Variants in CACNA1D observed in about 807,000 individuals in gnomAD.
CACNA1D encodes voltage-dependent L-type calcium channel subunit alpha-1D.
In CACNA1D, 55 loss-of-function variants were observed where a neutral mutation model predicts 257.1. That is an observed-to-expected ratio of 0.21 (90% CI 0.17 to 0.27). CACNA1D has a LOEUF of 0.27. Among genes scored for constraint, CACNA1D ranks in the 10% least tolerant of loss-of-function variants. CACNA1D has a pLI of 1.00. For synonymous variants in CACNA1D, 980 were observed against 1,014.9 expected, an observed-to-expected ratio of 0.97 and a Z score of 0.65; for missense variants, 1,876 against 2,784.0, an observed-to-expected ratio of 0.67 and a Z score of 7.34.
chr3:53,782,239 A>T (rs926641312), intron 39 of CACNA1D: 3 of 108,926 alleles, frequency 2.8e-5, no homozygotes, highest in African/African-American at 3.9e-5. Flanking sequence ...ACACACATAC[A>T]GTGTGTGTGT....
At position 53,515,130 on chromosome 3, in the gene CACNA1D, T is replaced by G. The variant is rs748701550; in HGVS notation, c.483+13410T>G. ...TGCAGCTAGAAGACTGAAGCCTGCC[T>G]CTACATGGTGGTCCGGGGTAAAAAG... On this transcript the variant is annotated intron_variant, in intron 3 of 47. Coordinates refer to ENST00000350061, the MANE Select transcript of CACNA1D (RefSeq NM_001128840.3). Among the ~76,000 whole-genome samples, 113 of 152,170 alleles carry G rather than the reference T, an allele frequency of 7.4e-4. 1 individual carries two copies. Among genetic ancestry groups the G allele is most frequent in the Non-Finnish European group, 2.4e-4 (16 of 68,030 alleles).
At position 53,741,629 on chromosome 3, in the gene CACNA1D, A is replaced by G. The variant is rs528446141; in HGVS notation, c.2811+1290A>G. Among the ~76,000 whole-genome samples, 16 of 152,260 alleles carry G rather than the reference A, an allele frequency of 1.1e-4. No homozygotes were observed. In the East Asian group the frequency reaches 2.7e-3, roughly 26 times the overall value. On this transcript the variant is annotated intron_variant, in intron 21 of 47. Coordinates refer to ENST00000350061, the MANE Select transcript of CACNA1D (RefSeq NM_001128840.3). Reference sequence around the variant, plus strand: ...TCCTAAGTCAGAGGTGTGCAGTGGGATGGTGACCAGCTCTTGTTGATGAGG... The same window carrying G: ...TCCTAAGTCAGAGGTGTGCAGTGGGGTGGTGACCAGCTCTTGTTGATGAGG...
chr3:53,753,727 C>G, intron 29 of CACNA1D, 45 bp downstream of exon 29: 1 of 1,116,498 alleles, frequency 9.0e-7, no homozygotes, highest in Non-Finnish European at 1.4e-6. Flanking sequence ...CTGAGTCACC[C>G]TAGAGAAGTA....
chr3:53,655,817 A>G (rs1055741122), intron 4 of CACNA1D, among the ~76,000 whole-genome samples: 1 of 152,042 alleles, frequency 6.6e-6, no homozygotes, highest in African/African-American at 2.4e-5. Context: ...TTTTGTTGTG[A>G]TTGCTTTTGG....
intron 30 of CACNA1D, among the ~76,000 whole-genome samples, chr3:53,768,238 C>G (rs749975050): frequency 1.3e-5 from 2 of 152,176 alleles, no homozygotes; most frequent in Non-Finnish European, 2.9e-5. Flanking sequence ...CAACAGGCCC[C>G]TTACTGTCTT....
At chr3:53,766,465 C>A (rs914895695) in intron 30 of CACNA1D, among the ~76,000 whole-genome samples, 2 of 152,246 alleles carry the variant, frequency 1.3e-5, no homozygotes, top group African/African-American at 4.8e-5. Context: ...TGCTGGTTTG[C>A]TTCCTATCTG....
intron 8 of CACNA1D, among the ~76,000 whole-genome samples, chr3:53,701,283 A>G (rs1280447711): frequency 5.9e-5 from 9 of 152,108 alleles, no homozygotes; most frequent in Admixed American, 5.2e-4. Flanking sequence ...CTGGGACTGC[A>G]CCACCATGCC....
At chr3:53,694,559 A>G (rs1478786652) in intron 8 of CACNA1D, among the ~76,000 whole-genome samples, 1 of 152,176 alleles carries the variant, frequency 6.6e-6, no homozygotes, top group Non-Finnish European at 1.5e-5. Flanking sequence ...GCCAGCAACA[A>G]TGCCTCGTTG....
intron 3 of CACNA1D, among the ~76,000 whole-genome samples, chr3:53,525,880 A>G (rs62251864): frequency 0.21 from 31,749 of 152,096 alleles, 3,352 homozygotes; most frequent in Middle Eastern, 0.24. Flanking sequence ...TGGCCAGTCC[A>G]GGGATAAACT....
chr3:53,535,987 T>C (rs961079040), intron 3 of CACNA1D, among the ~76,000 whole-genome samples: 3 of 152,202 alleles, frequency 2.0e-5, no homozygotes, highest in Non-Finnish European at 4.4e-5. Context: ...TCAGTAGATA[T>C]TAGTGACAGA....
At chr3:53,696,348 G>A (rs775163103) in intron 8 of CACNA1D, among the ~76,000 whole-genome samples, 1 of 152,214 alleles carries the variant, frequency 6.6e-6, no homozygotes, top group African/African-American at 2.4e-5. Flanking sequence ...CAGGCATCGT[G>A]TTGAGGTGCT....
chr3:53,728,040 C>T (rs1274042163), intron 15 of CACNA1D, among the ~76,000 whole-genome samples: 1 of 152,212 alleles, frequency 6.6e-6, no homozygotes, highest in Admixed American at 6.5e-5. Flanking sequence ...CTGTCTCCCA[C>T]CCAGAGAAGG....
intron 45 of CACNA1D, 113 bp from the exon 46 acceptor site, chr3:53,808,536 G>T: frequency 1.6e-6 from 2 of 1,286,434 alleles, no homozygotes; most frequent in Non-Finnish European, 2.2e-6. Flanking sequence ...TGGACAAACC[G>T]CATGCTTCTT....
intron 14 of CACNA1D, among the ~76,000 whole-genome samples, chr3:53,726,458 G>A (rs1309250235): frequency 1.3e-5 from 2 of 151,690 alleles, no homozygotes; most frequent in East Asian, 1.9e-4. Context: ...GCCAACTGCT[G>A]TAACACTCTC....
chr3:53,758,153 G>A (rs1223100590), intron 29 of CACNA1D, among the ~76,000 whole-genome samples: 1 of 152,212 alleles, frequency 6.6e-6, no homozygotes, highest in East Asian at 1.9e-4. Flanking sequence ...GGGTAGAGCA[G>A]AGTGGAGCAC....
intron 3 of CACNA1D, among the ~76,000 whole-genome samples, chr3:53,563,869 T>TA (rs1179782834): frequency 2.0e-5 from 3 of 152,218 alleles, no homozygotes; most frequent in African/African-American, 7.2e-5. Flanking sequence ...TTTTTCTTGA[T>TA]ACATATGTGC....
In CACNA1D at chr3:53,805,024, T is replaced by G; in HGVS notation, c.5627T>G (p.Ile1876Ser). ...TACAGCAGATACCCAGGCAGAAACA[T>G]CGACTCTGAGAGGCCCCGAGGCTAC... ...GYYSRYPGRN[I>S]DSERPRGYHH... The change falls in exon 45 of 48, where the codon ATC (isoleucine) becomes AGC (serine). Residue 1876 changes from isoleucine (I) to serine (S), a missense_variant. By Grantham distance (142) the Ile-to-Ser change is moderately radical. Coordinates refer to ENST00000350061, the MANE Select transcript of CACNA1D (RefSeq NM_001128840.3). 1 of 1,614,104 alleles carries G rather than the reference T, an allele frequency of 6.2e-7. No homozygotes were observed. The highest frequency in any genetic ancestry group is 1.3e-5 in the African/African-American group (1 of 75,006).
chr3:53,525,943 C>T (rs2091747527), intron 3 of CACNA1D, among the ~76,000 whole-genome samples: 2 of 152,202 alleles, frequency 1.3e-5, no homozygotes, highest in Admixed American at 6.5e-5. Context: ...TTCTCTCTCT[C>T]CAGCCTGGCT....
chr3:53,621,923 C>G (rs1233894205), intron 3 of CACNA1D, among the ~76,000 whole-genome samples: 1 of 152,174 alleles, frequency 6.6e-6, no homozygotes, highest in Non-Finnish European at 1.5e-5. Flanking sequence ...TACTACACAC[C>G]TACCAAAGTG....
Sources: allele counts gnomAD v4.1 joint callset (sites outside exome capture counted in the v4.1 genomes callset), GRCh38; gene constraint gnomAD v4.1.1; transcripts MANE v1.5; gene names NCBI Gene and HGNC (gene_info 2026-07-23, HGNC 2026-07-21).